PROM1: variants seen among roughly 807,000 people sequenced by gnomAD.
PROM1 encodes prominin 1, also known as prominin-1.
A neutral mutation model predicts 116.9 loss-of-function variants in PROM1; 105 were observed. That is an observed-to-expected ratio of 0.90 (90% CI 0.77 to 1.06). The LOEUF is 1.06. Among genes scored for constraint, PROM1 ranks in the 50% least tolerant of loss-of-function variants. The probability of loss-of-function intolerance (pLI) is 0.00; values close to 1 mark genes in which losing one functional copy is unlikely to be tolerated. For synonymous variants in PROM1, 393 were observed against 387.0 expected (o/e 1.02, Z -0.18); for missense variants, 1,122 against 1,045.2 (o/e 1.07, Z -1.01).
chr4:15,991,272 C>A lies in PROM1; in HGVS notation c.1933G>T (p.Val645Leu). 6.2e-7 allele frequency: 1 copy of A among 1,605,476 alleles called. No individual in the cohort carries two copies. The change falls in exon 18 of 28, where the codon GTG becomes TTG. Residue 645 changes from valine to leucine, a missense_variant. Coordinates refer to ENST00000447510, the MANE Select transcript of PROM1 (RefSeq NM_006017.3). ...TCATATGCAAATGATAAAAGATTCA[C>A]TCCTGCGGGGGATTTACCAGTCTAC... ...LAQTGKSPAG[V>L]NLLSFAYDLE...
chr4:16,013,516 C>G (rs1434122107), intron 10 of PROM1, among the ~76,000 whole-genome samples, 178 bp from the exon 11 acceptor site: 3 of 152,138 alleles, frequency 2.0e-5, no homozygotes, highest in Non-Finnish European at 2.9e-5. Flanking sequence ...CTTTAGAGAG[C>G]ATTGTCTTTA....
rs1730989256 is a variant in PROM1 at position 16,025,370 on chromosome 4, T to C, written c.510-58A>G. On this transcript the variant is annotated intron_variant, in intron 5 of 27. Transcript: ENST00000447510. Reference sequence around the variant, plus strand: ...TTACTGTGTGGTCCATGGTTCTTTGTCCAGGTCCAGGCAGCAGAGCAGGAG... The same window carrying C: ...TTACTGTGTGGTCCATGGTTCTTTGCCCAGGTCCAGGCAGCAGAGCAGGAG... 4.4e-6 allele frequency: 7 copies of C among 1,597,738 alleles called. No homozygotes were observed. The East Asian group carries it at 1.4e-4, about 31-fold the overall frequency.
chr4:16,028,033 A>G (rs1340072316), intron 5 of PROM1, among the ~76,000 whole-genome samples: 2 of 152,116 alleles, frequency 1.3e-5, no homozygotes, highest in African/African-American at 4.8e-5. Flanking sequence ...AAACTGTACT[A>G]AGCTGGGTGT....
At chr4:16,056,869 G>A (rs1370894434) in intron 2 of PROM1, among the ~76,000 whole-genome samples, 1 of 152,194 alleles carries the variant, frequency 6.6e-6, no homozygotes, top group Non-Finnish European at 1.5e-5. Context: ...CATGGTCCAG[G>A]GGACTGGCAG....
chr4:16,029,054 C>T (rs1732053625), intron 5 of PROM1, among the ~76,000 whole-genome samples: 1 of 152,168 alleles, frequency 6.6e-6, no homozygotes, highest in Non-Finnish European at 1.5e-5. Flanking sequence ...CAAACAAATG[C>T]TTTCAGTCTA....
chr4:16,003,359 C>G (rs1220208608), intron 13 of PROM1: 1 of 456,556 alleles, frequency 2.2e-6, no homozygotes, highest in Non-Finnish European at 4.4e-6. Context: ...CCTAGATTCC[C>G]CAAAATGGAA....
intron 15 of PROM1, among the ~76,000 whole-genome samples, chr4:15,997,164 AC>A (rs1414961965): frequency 6.6e-6 from 1 of 151,296 alleles, no homozygotes; most frequent in Non-Finnish European, 1.5e-5. Context: ...CCATTTCACC[AC>A]TGAGCAAAAG....
chr4:16,048,294 T>C (rs1034318737), intron 2 of PROM1, among the ~76,000 whole-genome samples: 12 of 152,178 alleles, frequency 7.9e-5, no homozygotes, highest in African/African-American at 2.4e-4. Context: ...TATTTCCTTA[T>C]GCTGTGGCTG....
chr4:16,045,590 A>G (rs1326671931), intron 2 of PROM1, among the ~76,000 whole-genome samples: 2 of 152,226 alleles, frequency 1.3e-5, no homozygotes, highest in Non-Finnish European at 2.9e-5. Context: ...CTCTACCAGT[A>G]GCCTATCCTG....
Position 16,006,716 on chromosome 4 carries a change from A to G in PROM1, c.1302-26T>C, listed in dbSNP as rs1168783812. On this transcript the variant is annotated intron_variant, in intron 12 of 27. Coordinates refer to ENST00000447510, the MANE Select transcript of PROM1 (RefSeq NM_006017.3). The stretch of plus-strand genomic sequence containing the variant: ...CTGGAGAGGCAAGCACAGTGTTAGT[A>G]TACATGACACAGGTGACGCCACCCT... The G allele has an allele frequency of 3.1e-6, 5 of 1,609,886 alleles. No individual in the cohort carries two copies. The Admixed American group carries it at 6.7e-5, about 22-fold the overall frequency.
chr4:16,001,511 A>G (rs984252810), intron 13 of PROM1, among the ~76,000 whole-genome samples: 14 of 152,180 alleles, frequency 9.2e-5, no homozygotes, highest in African/African-American at 3.4e-4. Flanking sequence ...AGGAGGGGCC[A>G]GCAAACCAGA....
chr4:16,014,150 G>A (rs1727673147), intron 10 of PROM1, among the ~76,000 whole-genome samples: 1 of 152,200 alleles, frequency 6.6e-6, no homozygotes, highest in Non-Finnish European at 1.5e-5. Flanking sequence ...TTCACTGTCT[G>A]CTGGTGTACT....
At chr4:16,035,978 AT>A (rs1560539070) in intron 3 of PROM1, among the ~76,000 whole-genome samples, 1 of 152,208 alleles carries the variant, frequency 6.6e-6, no homozygotes, top group African/African-American at 2.4e-5. Flanking sequence ...TGAAATTTAC[AT>A]TTGCATTTAC....
At chr4:15,991,405 T>A in intron 17 of PROM1, 112 bp from the exon 18 acceptor site, 1 of 684,008 alleles carries the variant, frequency 1.5e-6, no homozygotes, top group Non-Finnish European at 2.3e-6. Context: ...AGTAATCATG[T>A]GAGGTCAGAA....
rs1428142201 is a variant in PROM1 at position 16,013,317 on chromosome 4, T to C, written c.1099A>G (p.Ile367Val). 3 of 1,606,896 alleles carry C rather than the reference T, an allele frequency of 1.9e-6. No homozygotes were observed. Among genetic ancestry groups the C allele is most frequent in the Admixed American group, 1.7e-5 (1 of 60,000 alleles). Residue 367 changes from isoleucine to valine, a missense_variant, in exon 11 of 28, where the codon ATA becomes GTA. By Grantham distance (29) the Ile-to-Val change is conservative (BLOSUM62 3). Coordinates refer to ENST00000447510, the MANE Select transcript of PROM1 (RefSeq NM_006017.3). ...VQQGYQSLND[I>V]PDRVQRQTTT... ...GTTTGGCGTTGTACTCTGTCAGGTA[T>C]ATCATTAAGGGATTGATAGCCCTGA...
chr4:16,076,326 G>C (rs1743945668), intron 1 of PROM1: 1 of 176,488 alleles, frequency 5.7e-6, no homozygotes, highest in Admixed American at 5.6e-5. Flanking sequence ...CCCTTCTCAG[G>C]AGGGCCAGAC....
intron 3 of PROM1, among the ~76,000 whole-genome samples, chr4:16,037,216 T>C (rs1228347173): frequency 6.6e-6 from 1 of 152,206 alleles, no homozygotes; most frequent in Non-Finnish European, 1.5e-5. Flanking sequence ...AAGCATGTTA[T>C]GCTAATTTTG....
At chr4:15,987,877 CT>C (rs56144936) in intron 19 of PROM1, among the ~76,000 whole-genome samples, 161 bp from the exon 20 acceptor site, 7,472 of 132,228 alleles carry the variant, frequency 0.057, 437 homozygotes, top group African/African-American at 0.18. Context: ...TGTGTACTTT[CT>C]TTTTTTTTTT....
At chr4:16,027,296 A>AC (rs1367432813) in intron 5 of PROM1, among the ~76,000 whole-genome samples, 28 of 143,054 alleles carry the variant, frequency 2.0e-4, no homozygotes, top group African/African-American at 7.1e-4. Flanking sequence ...TGTGAAGAAG[A>AC]AACACACACA....
Sources: gnomAD v4.1 joint callset for allele counts (sites outside exome capture counted in the v4.1 genomes callset) on GRCh38, gnomAD v4.1.1 for gene constraint, MANE v1.5 for transcripts, NCBI Gene and HGNC (gene_info 2026-07-23, HGNC 2026-07-21) for gene names.